TXNRD2: variants seen among roughly 807,000 people sequenced by gnomAD.
TXNRD2 encodes the protein thioredoxin reductase 2, also known as thioredoxin reductase 2, mitochondrial.
TXNRD2 carries 67 observed loss-of-function variants against 70.8 expected under a neutral mutation model. That is an observed-to-expected ratio of 0.95 (90% CI 0.78 to 1.16). TXNRD2 has a LOEUF of 1.16. TXNRD2 is among the 50% of genes most tolerant of loss of function. TXNRD2 has a pLI of 0.00. For missense variants in TXNRD2, 644 were observed against 719.9 expected, an observed-to-expected ratio of 0.89 and a Z score of 1.21; for synonymous variants, 301 against 295.8, an observed-to-expected ratio of 1.02 and a Z score of -0.18.
At chr22:19,925,314 C>CA (rs529726837) in intron 2 of TXNRD2, among the ~76,000 whole-genome samples, 144 of 151,700 alleles carry the variant, frequency 9.5e-4, no homozygotes, top group South Asian at 2.1e-3. Context: ...ACAACAACAA[C>CA]AAAAAAGAAG....
At position 19,918,843 on chromosome 22, in the gene TXNRD2, C is replaced by T. The variant is rs200108545; in HGVS notation, c.374+17G>A. ...GTAGAAGAAAAGCACTGGAATGCCA[C>T]GGCGCCAGATCCTTACCAGTCATGC... is the stretch of plus-strand genomic sequence containing the variant. On this transcript the variant is annotated intron_variant, in intron 4 of 17. Coordinates refer to ENST00000400521, the MANE Select transcript of TXNRD2 (RefSeq NM_006440.5). The T allele has an allele frequency of 1.4e-4, 229 of 1,604,394 alleles. 1 individual carries two copies. In the African/African-American group the frequency reaches 2.7e-3, roughly 19 times the overall value.
In TXNRD2 at chr22:19,918,859, C is replaced by A. The variant is rs1196847993; in HGVS notation, c.374+1G>T. On this transcript the variant is annotated splice_donor_variant, in intron 4 of 17. Coordinates refer to ENST00000400521, the MANE Select transcript of TXNRD2 (RefSeq NM_006440.5). LOFTEE classifies it high-confidence loss of function. ...GGAATGCCACGGCGCCAGATCCTTACCAGTCATGCGGCACGGGCTGGGCCA... is the reference window on the plus strand; with the variant it reads ...GGAATGCCACGGCGCCAGATCCTTAACAGTCATGCGGCACGGGCTGGGCCA... 6.2e-7 allele frequency: 1 copy of A among 1,607,412 alleles called. No individual in the cohort carries two copies. Among genetic ancestry groups the A allele is most frequent in the Non-Finnish European group, 8.5e-7 (1 of 1,179,908 alleles).
chr22:19,880,382 A>G, intron 13 of TXNRD2, 111 bp from the exon 14 acceptor site: 1 of 1,195,570 alleles, frequency 8.4e-7, no homozygotes, highest in Non-Finnish European at 1.2e-6. Flanking sequence ...ATGCGCCCAG[A>G]GCAGGCTGCA....
intron 17 of TXNRD2, 42 bp downstream of exon 17, chr22:19,876,998 C>A: frequency 7.1e-7 from 1 of 1,410,358 alleles, no homozygotes; most frequent in Non-Finnish European, 9.4e-7. Context: ...GCACCCCTGC[C>A]ACATGCCCTG....
intron 1 of TXNRD2, among the ~76,000 whole-genome samples, chr22:19,935,295 T>C (rs1478011969): frequency 1.3e-5 from 2 of 152,134 alleles, no homozygotes; most frequent in African/African-American, 4.8e-5. Context: ...AGGACTGAAA[T>C]ACGCCCTGGT....
At chr22:19,929,761 G>A (rs1401730438) in intron 2 of TXNRD2, among the ~76,000 whole-genome samples, 3 of 152,264 alleles carry the variant, frequency 2.0e-5, no homozygotes, top group Admixed American at 6.5e-5. Context: ...TAACGGGGTG[G>A]AGGACACACT....
intron 7 of TXNRD2, among the ~76,000 whole-genome samples, chr22:19,914,586 C>T (rs1940551688): frequency 6.6e-6 from 1 of 152,096 alleles, no homozygotes; most frequent in South Asian, 2.1e-4. Context: ...CACGAGGTGC[C>T]TAGTGTTGTC....
At chr22:19,920,453 C>A (rs951355439) in intron 2 of TXNRD2, among the ~76,000 whole-genome samples, 1 of 152,158 alleles carries the variant, frequency 6.6e-6, no homozygotes. Context: ...TGTGGTGGTG[C>A]AAGCCTGTAG....
intron 2 of TXNRD2, among the ~76,000 whole-genome samples, chr22:19,924,247 A>G (rs966029403): frequency 1.3e-5 from 2 of 152,034 alleles, no homozygotes; most frequent in Non-Finnish European, 1.5e-5. Flanking sequence ...TTCCACCAAG[A>G]AGGCCACAAC....
intron 12 of TXNRD2, chr22:19,881,395 A>G: frequency 3.8e-6 from 1 of 260,618 alleles, no homozygotes; most frequent in Non-Finnish European, 6.7e-6. Flanking sequence ...CTACGGAAAC[A>G]TCCCGGCGGG....
At chr22:19,923,106 C>T (rs970483367) in intron 2 of TXNRD2, among the ~76,000 whole-genome samples, 2 of 152,146 alleles carry the variant, frequency 1.3e-5, no homozygotes, top group African/African-American at 4.8e-5. Flanking sequence ...GTATTGCCTT[C>T]CCAAGTGGCC....
chr22:19,883,607 G>T, intron 11 of TXNRD2, 146 bp from the exon 12 acceptor site: 1 of 1,175,190 alleles, frequency 8.5e-7, no homozygotes, highest in Non-Finnish European at 1.2e-6. Context: ...GGAGGACGAG[G>T]TGGGCAAATC....
intron 2 of TXNRD2, among the ~76,000 whole-genome samples, chr22:19,926,712 C>T (rs773708157): frequency 1.3e-5 from 2 of 151,940 alleles, no homozygotes; most frequent in Admixed American, 6.6e-5. Context: ...GCCCGAGAGG[C>T]CGAGGTTGCA....
intron 2 of TXNRD2, among the ~76,000 whole-genome samples, chr22:19,928,607 T>C (rs1457000207): frequency 6.6e-6 from 1 of 152,226 alleles, no homozygotes; most frequent in Non-Finnish European, 1.5e-5. Context: ...TCAGAAAATG[T>C]TGGGGTGTTA....
rs777806288 is a variant in TXNRD2, at chr22:19,918,141, A to C, written c.449+2T>G. 7 of 1,613,962 alleles carry C rather than the reference A, an allele frequency of 4.3e-6. No individual in the cohort carries two copies. The highest frequency in any genetic ancestry group is 5.1e-6 in the Non-Finnish European group (6 of 1,179,922). Reference sequence around the variant, plus strand: ...GCCCATTCCCGGAGAGAGCTTCAGTACCTGTCCTGAAGCTGGACACGGTGG... The same window carrying C: ...GCCCATTCCCGGAGAGAGCTTCAGTCCCTGTCCTGAAGCTGGACACGGTGG... On this transcript the variant is annotated splice_donor_variant, in intron 5 of 17. Transcript: ENST00000400521. LOFTEE classifies it high-confidence loss of function.
chr22:19,935,187 A>G (rs1941497674), intron 1 of TXNRD2, among the ~76,000 whole-genome samples: 1 of 152,188 alleles, frequency 6.6e-6, no homozygotes, highest in Non-Finnish European at 1.5e-5. Context: ...TTTCCTAGCA[A>G]GGAATATTAC....
At chr22:19,914,908 A>G in intron 7 of TXNRD2, 1 of 414,492 alleles carries the variant, frequency 2.4e-6, no homozygotes. Flanking sequence ...TGAAGGGAAA[A>G]GGGGGAATCA....
intron 10 of TXNRD2, 114 bp downstream of exon 10, chr22:19,897,925 C>A: frequency 1.2e-6 from 1 of 810,382 alleles, no homozygotes; most frequent in Non-Finnish European, 2.0e-6. Flanking sequence ...AGGGTTATCT[C>A]TAAAGATTCA....
At chr22:19,909,681 A>G (rs36192687) in intron 8 of TXNRD2, among the ~76,000 whole-genome samples, 36,415 of 120,280 alleles carry the variant, frequency 0.3, 5,812 homozygotes, top group East Asian at 0.65. Context: ...CACACACACT[A>G]CTCACACACA....
Sources: allele counts gnomAD v4.1 joint callset (sites outside exome capture counted in the v4.1 genomes callset), GRCh38; gene constraint gnomAD v4.1.1; transcripts MANE v1.5; gene names NCBI Gene and HGNC (gene_info 2026-07-23, HGNC 2026-07-21).